Variants in RAPGEF6 observed in about 807,000 individuals in gnomAD.
The protein encoded by RAPGEF6 is PDZ domain containing guanine nucleotide exchange factor (GEF) 2.
A neutral mutation model predicts 171.4 loss-of-function variants in RAPGEF6; 56 were observed. The ratio of observed to expected loss-of-function variants is 0.33; its 90% CI spans 0.26 to 0.41. The LOEUF (loss-of-function observed/expected upper bound fraction) is 0.41. Ranked by LOEUF, RAPGEF6 falls within the 10% of genes least tolerant of loss-of-function variation. The pLI is 1.00. For synonymous variants in RAPGEF6, 692 were observed against 650.1 expected (o/e 1.06, Z -0.98); for missense variants, 1,674 against 1,921.4 (o/e 0.87, Z 2.41).
chr5:131,584,659 G>C (rs1763143911), intron 4 of RAPGEF6, among the ~76,000 whole-genome samples: 1 of 152,166 alleles, frequency 6.6e-6, no homozygotes, highest in African/African-American at 2.4e-5. Flanking sequence ...CTATTGAGAT[G>C]TCTTTTCAGG....
chr5:131,484,201 T>C (rs1429223380), intron 15 of RAPGEF6, among the ~76,000 whole-genome samples: 3 of 149,044 alleles, frequency 2.0e-5, no homozygotes, highest in Non-Finnish European at 3.0e-5. Context: ...TTTAAAAGAC[T>C]GATTATACCC....
In RAPGEF6 at chr5:131,426,528, C is replaced by T. The variant is rs1178902708; in HGVS notation, c.*738G>A. 6.6e-6 allele frequency: 1 copy of T among 152,338 alleles called. No individual in the cohort carries two copies. Among genetic ancestry groups the T allele is most frequent in the Non-Finnish European group, 1.5e-5 (1 of 68,046 alleles). The allele number at this position is 152,338 out of a possible 1,614,324, so 9.4% of individuals were successfully genotyped here. ...TCCCACCCTCCTCCCCAAACTACTC[C>T]CTCCCATTTCCCAAAGGACTGACAA... On this transcript the variant is annotated 3_prime_UTR_variant, in exon 28 of 28. Coordinates refer to ENST00000509018, the MANE Select transcript of RAPGEF6 (RefSeq NM_016340.6).
chr5:131,521,400 T>C lies in RAPGEF6; in HGVS notation c.617A>G (p.Asp206Gly), dbSNP rs1758468390. The C allele has an allele frequency of 1.2e-6, 2 of 1,606,726 alleles. No individual in the cohort carries two copies. The highest frequency in any genetic ancestry group is 1.3e-5 in the African/African-American group (1 of 74,518). The change falls in exon 7 of 28, where the codon GAT becomes GGT. Residue 206 changes from aspartate (D) to glycine (G), a missense_variant. Asp to Gly is a moderately conservative substitution (Grantham distance 94, BLOSUM62 -1). This residue lies in a region of RAPGEF6 where 1,116 missense variants were observed against 1,321.5 expected (regional missense o/e 0.84). Coordinates refer to ENST00000509018, the MANE Select transcript of RAPGEF6 (RefSeq NM_016340.6). ...TTCCTAAGGTATTACCTGATAGATA[T>C]CAGATAAACTGCTGCTTCCAGAGTC... is the stretch of plus-strand genomic sequence containing the variant. The part of the protein sequence containing the change: ...ASDSGSSSLS[D>G]IYQATESEVG...
At chr5:131,578,437 C>T (rs1004254836) in intron 4 of RAPGEF6, among the ~76,000 whole-genome samples, 5 of 152,162 alleles carry the variant, frequency 3.3e-5, no homozygotes, top group Admixed American at 6.5e-5. Context: ...CTTTAATAGC[C>T]CCCATCTTTA....
At chr5:131,597,314 A>T (rs1430429098) in intron 3 of RAPGEF6, among the ~76,000 whole-genome samples, 1 of 137,262 alleles carries the variant, frequency 7.3e-6, no homozygotes, top group African/African-American at 2.9e-5. Context: ...GGAGGTTACT[A>T]AAAAAAAAAA....
intron 7 of RAPGEF6, among the ~76,000 whole-genome samples, chr5:131,516,839 G>A (rs931872113): frequency 6.6e-5 from 10 of 152,092 alleles, no homozygotes; most frequent in African/African-American, 1.9e-4. Flanking sequence ...TCATTGATTT[G>A]CCTTTTTTTC....
intron 1 of RAPGEF6, among the ~76,000 whole-genome samples, chr5:131,631,381 A>T (rs1766297722): frequency 6.6e-6 from 1 of 151,582 alleles, no homozygotes; most frequent in African/African-American, 2.4e-5. Context: ...TAACTCCAAC[A>T]CTCCAGTTAT....
intron 5 of RAPGEF6, among the ~76,000 whole-genome samples, chr5:131,552,807 A>G (rs1468505506): frequency 6.6e-6 from 1 of 152,128 alleles, no homozygotes; most frequent in Non-Finnish European, 1.5e-5. Flanking sequence ...TACTGTACCT[A>G]AAGTTCCAAG....
At position 131,605,754 on chromosome 5, in the gene RAPGEF6, G is replaced by A. The variant is rs561476249; in HGVS notation, c.70-1061C>T. 5.1e-4 allele frequency among the ~76,000 whole-genome samples: 77 copies of A among 152,232 alleles called. No homozygotes were observed. In the South Asian group the frequency reaches 8.5e-3, roughly 17 times the overall value. On this transcript the variant is annotated intron_variant, in intron 1 of 27. Coordinates refer to ENST00000509018, the MANE Select transcript of RAPGEF6 (RefSeq NM_016340.6). ...TTAAGAAAAGCAGCAAGCTAGGCTGGTCACGGTGGCTCACGCCTGTAATCC... is the reference window on the plus strand; with the variant it reads ...TTAAGAAAAGCAGCAAGCTAGGCTGATCACGGTGGCTCACGCCTGTAATCC...
At chr5:131,558,892 G>T (rs1044790060) in intron 5 of RAPGEF6, among the ~76,000 whole-genome samples, 3 of 152,100 alleles carry the variant, frequency 2.0e-5, no homozygotes, top group South Asian at 2.1e-4. Flanking sequence ...ATGTGCACTT[G>T]AAAAGTAGGC....
At chr5:131,531,153 C>T (rs1254784280) in intron 6 of RAPGEF6, among the ~76,000 whole-genome samples, 1 of 152,174 alleles carries the variant, frequency 6.6e-6, no homozygotes, top group Non-Finnish European at 1.5e-5. Context: ...CACCACGATG[C>T]TATCATAGGA....
At chr5:131,512,286 C>T (rs1757786232) in intron 7 of RAPGEF6, among the ~76,000 whole-genome samples, 1 of 152,084 alleles carries the variant, frequency 6.6e-6, no homozygotes, top group Non-Finnish European at 1.5e-5. Flanking sequence ...GACGTACCTG[C>T]AAGCATCCAG....
At chr5:131,488,722 G>A (rs919169860) in intron 15 of RAPGEF6, among the ~76,000 whole-genome samples, 5 of 152,036 alleles carry the variant, frequency 3.3e-5, no homozygotes, top group Non-Finnish European at 5.9e-5. Flanking sequence ...CTTCCCTTCC[G>A]TAGGCATAGC....
chr5:131,525,780 T>C (rs1220847610), intron 6 of RAPGEF6, among the ~76,000 whole-genome samples: 2 of 152,088 alleles, frequency 1.3e-5, no homozygotes, highest in African/African-American at 4.8e-5. Flanking sequence ...ATATTGCAAA[T>C]TCCTACAGAG....
chr5:131,617,221 G>A (rs182340408), intron 1 of RAPGEF6, among the ~76,000 whole-genome samples: 262 of 152,224 alleles, frequency 1.7e-3, no homozygotes, highest in Non-Finnish European at 2.2e-3. Context: ...AGGCAGGAGG[G>A]ATCACTTGAG....
chr5:131,633,764 T>TGAAATTAAA (rs1392613063), intron 1 of RAPGEF6, among the ~76,000 whole-genome samples: 1 of 152,140 alleles, frequency 6.6e-6, no homozygotes, highest in Non-Finnish European at 1.5e-5. Flanking sequence ...TTAAATTAAA[T>TGAAATTAAA]TGAAACCTGC....
At chr5:131,439,066 G>A (rs527435409) in intron 24 of RAPGEF6, among the ~76,000 whole-genome samples, 3 of 152,166 alleles carry the variant, frequency 2.0e-5, no homozygotes, top group East Asian at 3.9e-4. Context: ...GGGACTACAG[G>A]CACACCACCA....
At chr5:131,604,521 G>A (rs1764432854) in intron 2 of RAPGEF6, 102 bp downstream of exon 2, 3 of 1,313,602 alleles carry the variant, frequency 2.3e-6, no homozygotes, top group Admixed American at 2.5e-5. Context: ...TATACCAAGG[G>A]CTTAAAACAA....
At chr5:131,430,774 G>A (rs773774522) in intron 26 of RAPGEF6, 85 bp downstream of exon 26, 43 of 1,545,568 alleles carry the variant, frequency 2.8e-5, no homozygotes, top group Non-Finnish European at 3.7e-5. Context: ...TTTTTGCGAC[G>A]ATAAAATCCA....
Sources: allele counts gnomAD v4.1 joint callset (sites outside exome capture counted in the v4.1 genomes callset), GRCh38; gene constraint gnomAD v4.1.1; regional missense constraint gnomAD v4.1.1; transcripts MANE v1.5; gene names NCBI Gene and HGNC (gene_info 2026-07-23, HGNC 2026-07-21).